The following ENPP2 variants were observed in gnomAD, a reference collection of about 807,000 sequenced individuals.
ENPP2 encodes the protein ectonucleotide pyrophosphatase/phosphodiesterase 2, also known as autotaxin.
In ENPP2, 51 loss-of-function variants were observed where a neutral mutation model predicts 120.2. That is an observed-to-expected ratio of 0.42 (90% CI 0.34 to 0.54). The LOEUF is 0.54. Ranked by LOEUF, ENPP2 falls within the 20% of genes least tolerant of loss-of-function variation. ENPP2 has a pLI of 0.04. For missense variants in ENPP2, 920 were observed against 1,066.5 expected (o/e 0.86, Z 1.91); for synonymous variants, 365 against 366.4 (o/e 1.00, Z 0.04).
At position 119,638,519 on chromosome 8, in the gene ENPP2, G is replaced by C; in HGVS notation, c.42C>G (p.Ser14=). Residue 14 remains serine, a synonymous_variant, in exon 2 of 25, where the codon TCC becomes TCG. Coordinates refer to ENST00000075322, the MANE Select transcript of ENPP2 (RefSeq NM_001040092.3). ...RSSFQSCQII[S]LFTFAVGVNI... Reference sequence around the variant, plus strand: ...TGACTCCAACGGCAAAAGTGAACAGGGATATTATCTAAGAGAATAAAGAGA... The same window carrying C: ...TGACTCCAACGGCAAAAGTGAACAGCGATATTATCTAAGAGAATAAAGAGA... The C allele has an allele frequency of 6.3e-7, 1 of 1,577,432 alleles. No individual in the cohort carries two copies. The highest frequency in any genetic ancestry group is 8.7e-7 in the Non-Finnish European group (1 of 1,146,584).
chr8:119,643,123 A>T (rs1817332231), upstream of ENPP2, among the ~76,000 whole-genome samples: 1 of 152,208 alleles, frequency 6.6e-6, no homozygotes, highest in Admixed American at 6.5e-5. Context: ...AAGTAAGAAA[A>T]CACCATATAT....
chr8:119,637,155 C>T (rs981744608), intron 2 of ENPP2, among the ~76,000 whole-genome samples: 25 of 152,148 alleles, frequency 1.6e-4, no homozygotes, highest in Admixed American at 1.4e-3. Context: ...ATTCCCCTGT[C>T]TGTTCAGTCA....
intron 4 of ENPP2, 87 bp downstream of exon 4, chr8:119,621,307 G>T: frequency 8.7e-7 from 1 of 1,151,544 alleles, no homozygotes; most frequent in Non-Finnish European, 1.3e-6. Flanking sequence ...CATATCCAGT[G>T]TGGTCTATTC....
rs569287310 is a variant in ENPP2, at chr8:119,593,764, C to G, written c.1069G>C (p.Val357Leu). The part of the protein sequence containing the change: ...KLHRCVNVIF[V>L]GDHGMEDVTC... ...AACAAAGCTTTACCATGGTCTCCGACAAAGATGACGTTGACACACCGATGC... is the reference window on the plus strand; with the variant it reads ...AACAAAGCTTTACCATGGTCTCCGAGAAAGATGACGTTGACACACCGATGC... The change falls in exon 12 of 25, where the codon GTC becomes CTC. Residue 357 changes from valine (V) to leucine (L), a missense_variant. Physicochemically the swap from Val to Leu is conservative, Grantham distance 32. Transcript: ENST00000075322. 2 of 1,604,282 alleles carry G rather than the reference C, an allele frequency of 1.2e-6. No individual in the cohort carries two copies. Among genetic ancestry groups the G allele is most frequent in the East Asian group, 4.5e-5 (2 of 44,828 alleles).
In ENPP2 at chr8:119,626,656, T is replaced by C. The variant is rs755175130; in HGVS notation, c.201A>G (p.Gln67=). Residue 67 remains glutamine, a synonymous_variant, in exon 3 of 25, where the codon CAA becomes CAG. Transcript: ENST00000075322. ...AGCGACAATCAGGAGGTCCAGCCTC[T>C]TGAAGTTCAAAGCACCTGCCCTTGC... ...GSCKGRCFEL[Q]EAGPPDCRCD... 32 of 1,613,814 alleles carry C rather than the reference T, an allele frequency of 2.0e-5. No individual in the cohort carries two copies. In the South Asian group the frequency reaches 3.5e-4, roughly 18 times the overall value.
intron 9 of ENPP2, 60 bp from the exon 10 acceptor site, chr8:119,601,522 G>C: frequency 3.1e-6 from 4 of 1,299,720 alleles, no homozygotes; most frequent in Non-Finnish European, 4.5e-6. Flanking sequence ...ACTCAAGCCT[G>C]AGGAGTGCTC....
At chr8:119,572,336 A>G (rs565137744) in intron 19 of ENPP2, 1 of 997,166 alleles carries the variant, frequency 1.0e-6, no homozygotes, top group South Asian at 1.4e-5. Context: ...CAGTCCTCCA[A>G]ACTCAAATTC....
intron 9 of ENPP2, among the ~76,000 whole-genome samples, chr8:119,602,367 G>T (rs569359207): frequency 6.6e-6 from 1 of 150,774 alleles, no homozygotes; most frequent in East Asian, 2.0e-4. Context: ...TGAGGCAAGA[G>T]AATCGCTTGA....
intron 9 of ENPP2, 87 bp downstream of exon 9, chr8:119,607,835 T>A (rs553482884): frequency 1.5e-5 from 13 of 848,954 alleles, no homozygotes; most frequent in Admixed American, 8.5e-5. Flanking sequence ...CACATTTAAC[T>A]GAAACAAAAT....
intron 1 of ENPP2, among the ~76,000 whole-genome samples, chr8:119,669,243 A>G (rs958786394): frequency 6.6e-6 from 1 of 152,328 alleles, no homozygotes; most frequent in Non-Finnish European, 1.5e-5. Context: ...CCAGTCATTA[A>G]TCCAGCCCAT....
chr8:119,670,003 C>T (rs1177256214), intron 1 of ENPP2, among the ~76,000 whole-genome samples: 2 of 152,192 alleles, frequency 1.3e-5, no homozygotes, highest in Non-Finnish European at 2.9e-5. Flanking sequence ...GTTCTGGATG[C>T]CTTCTCTGGA....
chr8:119,633,998 C>T (rs1816841962), intron 2 of ENPP2, among the ~76,000 whole-genome samples: 1 of 151,290 alleles, frequency 6.6e-6, no homozygotes, highest in African/African-American at 2.5e-5. Flanking sequence ...GCCTGGCTAA[C>T]ATGGTGAAAC....
intron 1 of ENPP2, 28 bp downstream of exon 1, chr8:119,638,720 G>T: frequency 7.5e-7 from 1 of 1,329,142 alleles, no homozygotes; most frequent in Non-Finnish European, 1.1e-6. Context: ...GATCAAGCAT[G>T]TCCCCCGTCA....
chr8:119,638,878 A>G (rs1040123450), upstream of ENPP2: 45 of 1,495,322 alleles, frequency 3.0e-5, no homozygotes, highest in Non-Finnish European at 3.8e-5. Context: ...ACTATAAGCA[A>G]TCCCACCTGG....
At chr8:119,572,128 T>C in intron 19 of ENPP2, 1 of 1,036,118 alleles carries the variant, frequency 9.7e-7, no homozygotes, top group South Asian at 1.4e-5. Context: ...CAGTAGTACT[T>C]AGGGGCAGTA....
intron 4 of ENPP2, among the ~76,000 whole-genome samples, chr8:119,620,348 C>G (rs1442653241): frequency 6.6e-6 from 1 of 152,148 alleles, no homozygotes; most frequent in African/African-American, 2.4e-5. Context: ...AAATTCTCAA[C>G]CAATTTTATG....
chr8:119,564,174 T>G (rs1405295338), intron 23 of ENPP2, among the ~76,000 whole-genome samples: 2 of 152,006 alleles, frequency 1.3e-5, no homozygotes, highest in Non-Finnish European at 2.9e-5. Context: ...TGAGAGGTAC[T>G]GACTCAGAAA....
chr8:119,600,081 T>G (rs1215569635), intron 11 of ENPP2, among the ~76,000 whole-genome samples: 1 of 152,052 alleles, frequency 6.6e-6, no homozygotes, highest in East Asian at 1.9e-4. Context: ...TCTCAAGAAT[T>G]TATGTTACTT....
At chr8:119,599,122 A>G (rs1814106759) in intron 11 of ENPP2, among the ~76,000 whole-genome samples, 1 of 152,214 alleles carries the variant, frequency 6.6e-6, no homozygotes, top group African/African-American at 2.4e-5. Context: ...GGTGTTCTTT[A>G]CTGGCATCAT....
Sources: gnomAD v4.1 joint callset for allele counts (sites outside exome capture counted in the v4.1 genomes callset) on GRCh38, gnomAD v4.1.1 for gene constraint, MANE v1.5 for transcripts, NCBI Gene and HGNC (gene_info 2026-07-23, HGNC 2026-07-21) for gene names.